RASSF3: variants seen among roughly 807,000 people sequenced by gnomAD.
The protein encoded by RASSF3 is ras association domain-containing protein 3.
In RASSF3, 19 loss-of-function variants were observed where a neutral mutation model predicts 19.9. The observed-to-expected ratio is 0.96, with a 90% CI of 0.67 to 1.40. The LOEUF (loss-of-function observed/expected upper bound fraction) is 1.40, where lower values mean the gene tolerates loss of function less well. RASSF3 is among the 40% of genes most tolerant of loss of function. The pLI is 0.00. For missense variants in RASSF3, 306 were observed against 289.8 expected (o/e 1.06, Z -0.41); for synonymous variants, 110 against 104.2 (o/e 1.06, Z -0.34).
intron 2 of RASSF3, among the ~76,000 whole-genome samples, chr12:64,598,266 C>T (rs762468549): frequency 6.6e-5 from 10 of 152,168 alleles, no homozygotes; most frequent in Non-Finnish European, 1.2e-4. Flanking sequence ...TATATTTTGA[C>T]ACATTCTTCA....
chr12:64,550,947 AC>A (rs1869150725), intron 2 of RASSF3, among the ~76,000 whole-genome samples: 1 of 148,842 alleles, frequency 6.7e-6, no homozygotes. Flanking sequence ...AACCCACAGC[AC>A]CCCACCTCCA....
chr12:64,624,872 T>A (rs1306942821), intron 1 of RASSF3, among the ~76,000 whole-genome samples: 2 of 151,200 alleles, frequency 1.3e-5, no homozygotes, highest in Non-Finnish European at 3.0e-5. Context: ...TTTGACTGTG[T>A]TAGCCAGGAT....
chr12:64,570,199 T>C (rs1433825206), intron 2 of RASSF3, among the ~76,000 whole-genome samples: 1 of 152,206 alleles, frequency 6.6e-6, no homozygotes, highest in East Asian at 1.9e-4. Flanking sequence ...TATTTTCTTT[T>C]GAAACCTGAA....
At chr12:64,577,276 T>C (rs1051099106) in intron 2 of RASSF3, among the ~76,000 whole-genome samples, 27 of 152,254 alleles carry the variant, frequency 1.8e-4, no homozygotes, top group African/African-American at 6.5e-4. Flanking sequence ...AACTCATGCA[T>C]GCCCTTTAAG....
chr12:64,563,157 ATTTATT>A (rs1320584583), intron 2 of RASSF3, among the ~76,000 whole-genome samples: 3 of 149,316 alleles, frequency 2.0e-5, no homozygotes, highest in South Asian at 2.1e-4. Flanking sequence ...TCTGTCTTTT[ATTTATT>A]TTTATTTTTA....
intron 1 of RASSF3, among the ~76,000 whole-genome samples, chr12:64,511,656 T>A (rs1868328856): frequency 6.6e-6 from 1 of 152,208 alleles, no homozygotes; most frequent in Non-Finnish European, 1.5e-5. Context: ...GGTAAGGACA[T>A]CACTTTCACA....
At chr12:64,565,660 C>T (rs986500957) in intron 2 of RASSF3, among the ~76,000 whole-genome samples, 5 of 151,328 alleles carry the variant, frequency 3.3e-5, no homozygotes, top group African/African-American at 9.7e-5. Context: ...TTGCAGTGAG[C>T]CAAGATCACG....
intron 1 of RASSF3, among the ~76,000 whole-genome samples, chr12:64,622,853 CTCTGTTGCCCAGGCTGTAGTACAG>C (rs2136165486): frequency 6.6e-6 from 1 of 150,526 alleles, no homozygotes; most frequent in East Asian, 2.0e-4. Flanking sequence ...TGGAGTCTTG[CTCTGTTGCCCAGGCTGTAGTACAG>C]TGGCACGATC....
chr12:64,615,628 A>C (rs1870527208), intron 1 of RASSF3, among the ~76,000 whole-genome samples: 1 of 152,082 alleles, frequency 6.6e-6, no homozygotes, highest in Non-Finnish European at 1.5e-5. Flanking sequence ...ACTGGGGTAA[A>C]AGAATAGTGG....
At chr12:64,687,170 AT>A (rs1873389981) in intron 2 of RASSF3, among the ~76,000 whole-genome samples, 1 of 151,424 alleles carries the variant, frequency 6.6e-6, no homozygotes, top group African/African-American at 2.4e-5. Flanking sequence ...ATTTTTTTTT[AT>A]TTTTATTTTT....
At chr12:64,589,561 G>T (rs1338732460) in intron 2 of RASSF3, among the ~76,000 whole-genome samples, 1 of 152,178 alleles carries the variant, frequency 6.6e-6, no homozygotes, top group Non-Finnish European at 1.5e-5. Flanking sequence ...CCACAAGCTT[G>T]AGCATAATTT....
intron 1 of RASSF3, among the ~76,000 whole-genome samples, chr12:64,632,224 A>G (rs1362456114): frequency 1.3e-5 from 2 of 152,056 alleles, no homozygotes; most frequent in Non-Finnish European, 2.9e-5. Flanking sequence ...ATTTGGGACC[A>G]AGTGGTGGTA....
At chr12:64,514,276 TC>T (rs2136099320) in intron 1 of RASSF3, among the ~76,000 whole-genome samples, 1 of 134,182 alleles carries the variant, frequency 7.5e-6, no homozygotes, top group African/African-American at 2.9e-5. Context: ...TCACTCCACC[TC>T]CCAGGTTCAA....
intron 1 of RASSF3, among the ~76,000 whole-genome samples, chr12:64,526,524 T>G (rs1010571638): frequency 1.3e-5 from 2 of 148,386 alleles, no homozygotes; most frequent in African/African-American, 4.9e-5. Flanking sequence ...AGTACAAAAC[T>G]TTTTAAAAAA....
chr12:64,598,069 AC>A (rs1423311962), intron 2 of RASSF3, among the ~76,000 whole-genome samples: 3 of 151,798 alleles, frequency 2.0e-5, no homozygotes, highest in Non-Finnish European at 4.4e-5. Flanking sequence ...GGCACAAGCC[AC>A]CATGCCCAGC....
At chr12:64,581,121 A>AG (rs974391409) in intron 2 of RASSF3, among the ~76,000 whole-genome samples, 5 of 151,436 alleles carry the variant, frequency 3.3e-5, no homozygotes, top group East Asian at 1.9e-4. Context: ...AAAAAAAAAA[A>AG]AGAGAGAGAG....
chr12:64,598,271 T>A lies in RASSF3; in HGVS notation c.294+56566T>A, dbSNP rs114764654. Among the ~76,000 whole-genome samples the A allele has an allele frequency of 3.9e-3, 594 of 152,314 alleles. 1 individual carries two copies. Among genetic ancestry groups the A allele is most frequent in the African/African-American group, 0.013 (560 of 41,576 alleles). ...GACTTTGGCTTATATTTTGACACATTCTTCACAGGTTTATTGATTGGGTAA... is the reference window on the plus strand; with the variant it reads ...GACTTTGGCTTATATTTTGACACATACTTCACAGGTTTATTGATTGGGTAA... On this transcript the variant is annotated intron_variant, in intron 2 of 5. Transcript: ENST00000637125.
rs1868936984 is a variant in RASSF3, at chr12:64,541,695, AG to A, written c.183del (p.Asn62ThrfsTer?). 3 of 398,664 alleles carry A rather than the reference AG, an allele frequency of 7.5e-6. No individual in the cohort carries two copies. The highest frequency in any genetic ancestry group is 6.2e-5 in the African/African-American group (3 of 48,768). 24.7% of individuals were successfully genotyped at this position (398,664 alleles called of 1,614,324 possible). ...TCTGAAGTAAGATATTCAATCAAAAAGAACAGTCAGGTAGGCACTATTGGTG... is the reference window on the plus strand; with the variant it reads ...TCTGAAGTAAGATATTCAATCAAAAAAACAGTCAGGTAGGCACTATTGGTG... On this transcript the variant is annotated frameshift_variant, in exon 2 of 2. Coordinates refer to the RASSF3 transcript ENST00000636333. LOFTEE classifies it high-confidence loss of function.
At chr12:64,622,569 CA>C in intron 1 of RASSF3, 1 of 503,600 alleles carries the variant, frequency 2.0e-6, no homozygotes. Context: ...CTTTCAGTAG[CA>C]AAAATCTCAA....
Sources: allele counts gnomAD v4.1 joint callset (sites outside exome capture counted in the v4.1 genomes callset), GRCh38; gene constraint gnomAD v4.1.1; transcripts MANE v1.5; gene names NCBI Gene and HGNC (gene_info 2026-07-23, HGNC 2026-07-21).